NEURL4: variants seen among roughly 807,000 people sequenced by gnomAD.
The protein encoded by NEURL4 is neuralized E3 ubiquitin protein ligase 4, also known as neuralized-like protein 4.
NEURL4 carries 45 observed loss-of-function variants against 148.0 expected under a neutral mutation model. That is an observed-to-expected ratio of 0.30 (90% CI 0.24 to 0.39). The LOEUF (loss-of-function observed/expected upper bound fraction) is 0.39, where lower values mean the gene tolerates loss of function less well. NEURL4 is among the 10% of genes least tolerant of loss of function. The pLI is 1.00. For missense variants in NEURL4, 1,776 were observed against 2,144.0 expected, an observed-to-expected ratio of 0.83 and a Z score of 3.39; for synonymous variants, 854 against 869.0, an observed-to-expected ratio of 0.98 and a Z score of 0.30.
At position 7,327,465 on chromosome 17, in the gene NEURL4, A is replaced by G. The variant is rs2073117477; in HGVS notation, c.702T>C (p.Ala234=). The G allele has an allele frequency of 6.4e-7, 1 of 1,563,272 alleles. No individual in the cohort carries two copies. The highest frequency in any genetic ancestry group is 1.8e-5 in the Admixed American group (1 of 55,764). The change falls in exon 2 of 29, where the codon GCT becomes GCC. Residue 234 remains alanine, a synonymous_variant. Coordinates refer to ENST00000399464, the MANE Select transcript of NEURL4 (RefSeq NM_032442.3). This position sits in a 1 kb window ranked among gnomAD's most constrained non-coding sequence, Gnocchi z 6.6. ...PLAPTEDSAL[A]EQGTSADEAF... ...CTTCATCTGCAGAGGTCCCCTGTTCAGCCAAGGCAGAGTCTTCAGTGGGGG... is the reference window on the plus strand; with the variant it reads ...CTTCATCTGCAGAGGTCCCCTGTTCGGCCAAGGCAGAGTCTTCAGTGGGGG...
rs747913817 is a variant in NEURL4, at chr17:7,323,671, G to A, written c.2314C>T (p.Arg772Cys). 8.1e-6 allele frequency: 13 copies of A among 1,613,522 alleles called. No individual in the cohort carries two copies. The highest frequency in any genetic ancestry group is 1.7e-6 in the Non-Finnish European group (2 of 1,179,770). ...CCAGCCTCAATGGAGCCTGACCAGCGGTCCACCATCTTCTGAATGACAATT... is the reference window on the plus strand; with the variant it reads ...CCAGCCTCAATGGAGCCTGACCAGCAGTCCACCATCTTCTGAATGACAATT... Reference protein sequence around the residue: ...FEIVIQKMVDRWSGSIEAGVT... With the variant: ...FEIVIQKMVDCWSGSIEAGVT... The change falls in exon 13 of 29, where the codon CGC (arginine) becomes TGC (cysteine). Residue 772 changes from arginine to cysteine, a missense_variant. Physicochemically the swap from Arg to Cys is radical, Grantham distance 180 (BLOSUM62 -3). Transcript: ENST00000399464.
chr17:7,319,223 A>G lies in NEURL4; in HGVS notation c.3526-15T>C. On this transcript the variant is annotated splice_polypyrimidine_tract_variant and intron_variant, in intron 21 of 28. Transcript: ENST00000399464. ...TCTATCCGCACCTGGGGAAGAAAGA[A>G]CTACTCCATAATCACAGCCTCCTGG... is the stretch of plus-strand genomic sequence containing the variant. 1 of 1,602,312 alleles carries G rather than the reference A, an allele frequency of 6.2e-7. No homozygotes were observed. The highest frequency in any genetic ancestry group is 1.1e-5 in the South Asian group (1 of 89,998).
chr17:7,327,859 T>A lies in NEURL4; in HGVS notation c.308A>T (p.Glu103Val). The A allele has an allele frequency of 6.2e-7, 1 of 1,612,172 alleles. No individual in the cohort carries two copies. The highest frequency in any genetic ancestry group is 1.3e-5 in the African/African-American group (1 of 74,966). Residue 103 changes from glutamate to valine, a missense_variant, in exon 2 of 29, where the codon GAG becomes GTG. By Grantham distance (121) the Glu-to-Val change is moderately radical. Transcript: ENST00000399464. This position sits in a 1 kb window ranked among gnomAD's most constrained non-coding sequence, Gnocchi z 6.6. The stretch of plus-strand genomic sequence containing the variant: ...GGGGTCCAGCGCTGTCACCCCAATC[T>A]CAATGGAGCCGCTCCAGGAGTTGAC... ...RKVNSWSGSIEIGVTALDPSV... is the reference protein window; with the variant it reads ...RKVNSWSGSIVIGVTALDPSV...
rs745372913 is a variant in NEURL4, at chr17:7,329,193, G to A, written c.120C>T (p.Ser40=). The change falls in exon 1 of 29, where the codon AGC becomes AGT. Residue 40 remains serine, a synonymous_variant. Coordinates refer to ENST00000399464, the MANE Select transcript of NEURL4 (RefSeq NM_032442.3). The stretch of plus-strand genomic sequence containing the variant: ...CAGTGCGCGGGTGCAGTTCCCCGCC[G>A]CTGCCCAGACCCCCGTTGGACCCCG... ...SGPGSNGGLG[S]GGELHPRTGR... 5 of 1,583,470 alleles carry A rather than the reference G, an allele frequency of 3.2e-6. No homozygotes were observed. The highest frequency in any genetic ancestry group is 1.1e-5 in the South Asian group (1 of 88,182).
chr17:7,323,602 G>A, intron 13 of NEURL4, 39 bp from the exon 14 acceptor site: 1 of 1,613,988 alleles, frequency 6.2e-7, no homozygotes, highest in Non-Finnish European at 8.5e-7. Context: ...CGATCCCCAA[G>A]GCACAGACAT....
In NEURL4 at chr17:7,326,218, G is replaced by C; in HGVS notation, c.1293+37C>G. ...AGGGACACAGAGTACCTGTGGCTCT[G>C]CTGAAAGCGGCCCAGGGATCTGTGC... On this transcript the variant is annotated intron_variant, in intron 6 of 28. Transcript: ENST00000399464. The surrounding 1 kb of genome is among the most constrained non-coding windows in gnomAD (Gnocchi z 6.0). 6.3e-7 allele frequency: 1 copy of C among 1,596,608 alleles called. No individual in the cohort carries two copies.
Position 7,327,611 on chromosome 17 carries a change from G to A in NEURL4, c.556C>T (p.Pro186Ser), listed in dbSNP as rs1430414416. 1 of 1,612,644 alleles carries A rather than the reference G, an allele frequency of 6.2e-7. No individual in the cohort carries two copies. Among genetic ancestry groups the A allele is most frequent in the South Asian group, 1.1e-5 (1 of 91,072 alleles). ...TCCACGACGGCCCAGACACGAGGGGGCAGGCCTGTGGCAGCCACACCGCAA... is the reference window on the plus strand; with the variant it reads ...TCCACGACGGCCCAGACACGAGGGGACAGGCCTGTGGCAGCCACACCGCAA... Reference protein sequence around the residue: ...RDCGVAATGLPPRVWAVVDLY... With the variant: ...RDCGVAATGLSPRVWAVVDLY... The change falls in exon 2 of 29, where the codon CCC becomes TCC. Residue 186 changes from proline (P) to serine (S), a missense_variant. Pro to Ser is a moderately conservative substitution (Grantham distance 74, BLOSUM62 -1). Transcript: ENST00000399464. The surrounding 1 kb of genome is among the most constrained non-coding windows in gnomAD (Gnocchi z 6.6).
In NEURL4 at chr17:7,325,298, G is replaced by T; in HGVS notation, c.1542C>A (p.Ala514=). 6.2e-7 allele frequency: 1 copy of T among 1,610,246 alleles called. No homozygotes were observed. The highest frequency in any genetic ancestry group is 2.2e-5 in the East Asian group (1 of 44,850). ...AGAGCAGGCGCTCAGGTTCTGCCTGGGCGGCAGGGGCAGCACGGCGGAGAG... is the reference window on the plus strand; with the variant it reads ...AGAGCAGGCGCTCAGGTTCTGCCTGTGCGGCAGGGGCAGCACGGCGGAGAG... The part of the protein sequence containing the change: ...EGALRRAAPA[A]QAEPERLLFH... Residue 514 remains alanine (A), a synonymous_variant, in exon 8 of 29, where the codon GCC becomes GCA. Coordinates refer to ENST00000399464, the MANE Select transcript of NEURL4 (RefSeq NM_032442.3).
rs372003203 is a variant in NEURL4, at chr17:7,318,181, G to A, written c.3953-9C>T. 3.9e-5 allele frequency: 63 copies of A among 1,613,162 alleles called. No individual in the cohort carries two copies. In the African/African-American group the frequency reaches 7.3e-4, roughly 19 times the overall value. On this transcript the variant is annotated splice_polypyrimidine_tract_variant and intron_variant, in intron 24 of 28. Coordinates refer to ENST00000399464, the MANE Select transcript of NEURL4 (RefSeq NM_032442.3). The surrounding 1 kb of genome is among the most constrained non-coding windows in gnomAD (Gnocchi z 4.3). ...CACACTCTCTTTGATACCTGAGGGA[G>A]CAGAGGGGCACAGGTCACAGGAGCT... is the stretch of plus-strand genomic sequence containing the variant.
At position 7,321,862 on chromosome 17, in the gene NEURL4, T is replaced by C; in HGVS notation, c.2871+3A>G. On this transcript the variant is annotated splice_donor_region_variant and intron_variant, in intron 17 of 28. Coordinates refer to ENST00000399464, the MANE Select transcript of NEURL4 (RefSeq NM_032442.3). This position sits in a 1 kb window ranked among gnomAD's most constrained non-coding sequence, Gnocchi z 6.3. ...GCCCCTCTGTCACATCACTACGGCC[T>C]ACCTCAAAGACTTCCTCAGCCCTCA... The C allele has an allele frequency of 1.9e-6, 3 of 1,613,500 alleles. No individual in the cohort carries two copies. Among genetic ancestry groups the C allele is most frequent in the Non-Finnish European group, 2.5e-6 (3 of 1,179,694 alleles).
In NEURL4 at chr17:7,322,141, C is replaced by T. The variant is rs2073042793; in HGVS notation, c.2726-131G>A. 2 of 1,032,492 alleles carry T rather than the reference C, an allele frequency of 1.9e-6. No individual in the cohort carries two copies. Among genetic ancestry groups the T allele is most frequent in the Non-Finnish European group, 2.8e-6 (2 of 711,766 alleles). 64.0% of individuals were successfully genotyped at this position (1,032,492 alleles called of 1,614,324 possible). A position where few individuals can be genotyped will look rare whatever the true frequency, so the allele number is the denominator to read the frequency against. On this transcript the variant is annotated intron_variant, in intron 16 of 28. Transcript: ENST00000399464. This position sits in a 1 kb window ranked among gnomAD's most constrained non-coding sequence, Gnocchi z 5.5. ...CCATCTGCCATCTGCCATTACACCT[C>T]AGGGCCTCCTGACACCTCTTTATTG...
chr17:7,323,769 G>T (rs1194425165), intron 12 of NEURL4, 45 bp downstream of exon 12: 1 of 1,613,912 alleles, frequency 6.2e-7, no homozygotes, highest in East Asian at 2.2e-5. Context: ...GCATGGCTGA[G>T]GCTGGGCAGG....
Position 7,322,655 on chromosome 17 carries a change from C to T in NEURL4, c.2725+80G>A. The T allele has an allele frequency of 1.3e-6, 2 of 1,546,072 alleles. No homozygotes were observed. Among genetic ancestry groups the T allele is most frequent in the Non-Finnish European group, 1.8e-6 (2 of 1,142,034 alleles). On this transcript the variant is annotated intron_variant, in intron 16 of 28. Transcript: ENST00000399464. This position sits in a 1 kb window ranked among gnomAD's most constrained non-coding sequence, Gnocchi z 5.5. ...ACCCCAGCCAACCGTCTTTGCAGAA[C>T]CTCTCTAACCTGGAAACCCTACTCC...
rs2072987075 is a variant in NEURL4, at chr17:7,318,764, T to A, written c.3685-90A>T. ...GCTCTGCTTCCTTTTGCCAGTGCCT[T>A]GGCTTTGCCTCCATGCTTGCCCACT... is the stretch of plus-strand genomic sequence containing the variant. On this transcript the variant is annotated intron_variant, in intron 22 of 28. Transcript: ENST00000399464. The surrounding 1 kb of genome is among the most constrained non-coding windows in gnomAD (Gnocchi z 4.3). 8.6e-6 allele frequency: 12 copies of A among 1,394,336 alleles called. No individual in the cohort carries two copies. Among genetic ancestry groups the A allele is most frequent in the African/African-American group, 1.4e-5 (1 of 69,080 alleles). 86.4% of individuals were successfully genotyped at this position (1,394,336 alleles called of 1,614,324 possible).
intron 8 of NEURL4, 83 bp from the exon 9 acceptor site, chr17:7,325,063 A>G (rs754530831): frequency 5.1e-6 from 8 of 1,569,594 alleles, no homozygotes; most frequent in Non-Finnish European, 7.0e-6. Flanking sequence ...GCCTGCCAAC[A>G]CTCACTGCCC....
chr17:7,318,744 G>A lies in NEURL4; in HGVS notation c.3685-70C>T. 6.7e-7 allele frequency: 1 copy of A among 1,487,872 alleles called. No individual in the cohort carries two copies. Among genetic ancestry groups the A allele is most frequent in the Non-Finnish European group, 9.1e-7 (1 of 1,104,728 alleles). The allele number at this position is 1,487,872 out of a possible 1,614,324, so 92.2% of individuals were successfully genotyped here. A position where few individuals can be genotyped will look rare whatever the true frequency, so the allele number is the denominator to read the frequency against. On this transcript the variant is annotated intron_variant, in intron 22 of 28. Coordinates refer to ENST00000399464, the MANE Select transcript of NEURL4 (RefSeq NM_032442.3). This position sits in a 1 kb window ranked among gnomAD's most constrained non-coding sequence, Gnocchi z 4.3. ...CGGCAGCTGTCCCGCCCTTTGCTCT[G>A]CTTCCTTTTGCCAGTGCCTTGGCTT...
At position 7,316,207 on chromosome 17, in the gene NEURL4, A is replaced by AG. The variant is rs2072942250; in HGVS notation, c.4604dup (p.His1536SerfsTer8). 2 of 1,611,366 alleles carry AG rather than the reference A, an allele frequency of 1.2e-6. No individual in the cohort carries two copies. On this transcript the variant is annotated frameshift_variant, in exon 29 of 29. Coordinates refer to ENST00000399464, the MANE Select transcript of NEURL4 (RefSeq NM_032442.3). LOFTEE classifies it high-confidence loss of function. ...ACTCAAGTTCGGCTGGACTGAAGTGAGGGTCAGGAGGTTCTCCAAGGGCAG... is the reference window on the plus strand; with the variant it reads ...ACTCAAGTTCGGCTGGACTGAAGTGAGGGGTCAGGAGGTTCTCCAAGGGCAG...
At chr17:7,325,062 C>G (rs1228532340) in intron 8 of NEURL4, 82 bp from the exon 9 acceptor site, 1 of 1,570,280 alleles carries the variant, frequency 6.4e-7, no homozygotes, top group Non-Finnish European at 8.7e-7. Flanking sequence ...TGCCTGCCAA[C>G]ACTCACTGCC....
At position 7,316,309 on chromosome 17, in the gene NEURL4, G is replaced by C; in HGVS notation, c.4503C>G (p.Ser1501=). ...ASKVQFRDPK[S]QRTHQAQVAF... is the part of the protein sequence containing the mutation. ...CCACCTGAGCCTGGTGCGTCCGCTG[G>C]GATTTGGGGTCCCGGAATCTGTCAG... Residue 1501 remains serine (S), a synonymous_variant, in exon 29 of 29, where the codon TCC becomes TCG. Coordinates refer to ENST00000399464, the MANE Select transcript of NEURL4 (RefSeq NM_032442.3). 1 of 1,612,426 alleles carries C rather than the reference G, an allele frequency of 6.2e-7. No homozygotes were observed. The highest frequency in any genetic ancestry group is 2.2e-5 in the East Asian group (1 of 44,892).
Sources: allele counts gnomAD v4.1 joint callset, GRCh38; gene constraint gnomAD v4.1.1; non-coding constraint Gnocchi (gnomAD v3.1); transcripts MANE v1.5; gene names NCBI Gene and HGNC (gene_info 2026-07-23, HGNC 2026-07-21).